Variants in CNTN1 observed in about 807,000 individuals in gnomAD.
CNTN1 encodes the protein contactin 1, also known as contactin-1.
In CNTN1, 38 loss-of-function variants were observed where a neutral mutation model predicts 126.4. The ratio of observed to expected loss-of-function variants is 0.30; its 90% CI spans 0.23 to 0.39. The LOEUF (loss-of-function observed/expected upper bound fraction) is 0.39, where lower values mean the gene tolerates loss of function less well. CNTN1 is among the 10% of genes least tolerant of loss of function. The probability of loss-of-function intolerance (pLI) is 1.00; values close to 1 mark genes in which losing one functional copy is unlikely to be tolerated. For missense variants in CNTN1, 1,009 were observed against 1,248.4 expected (o/e 0.81, Z 2.89); for synonymous variants, 413 against 422.6 (o/e 0.98, Z 0.28).
rs1051869143 is a variant in CNTN1 at position 40,933,623 on chromosome 12, T to C, written c.803+63T>C. On this transcript the variant is annotated intron_variant, in intron 8 of 23. Coordinates refer to ENST00000551295, the MANE Select transcript of CNTN1 (RefSeq NM_001843.4). ...TAGTACCATTTTAGGAAATAAATAA[T>C]TGTTTAGCTATAAACATAAAGTAAT... 8 of 1,523,740 alleles carry C rather than the reference T, an allele frequency of 5.3e-6. No individual in the cohort carries two copies. In the Admixed American group the frequency reaches 1.3e-4, roughly 26 times the overall value. The allele number at this position is 1,523,740 out of a possible 1,614,324, so 94.4% of individuals were successfully genotyped here. A position where few individuals can be genotyped will look rare whatever the true frequency, so the allele number is the denominator to read the frequency against.
At chr12:40,864,796 A>T (rs1223373846) in intron 1 of CNTN1, among the ~76,000 whole-genome samples, 7 of 152,168 alleles carry the variant, frequency 4.6e-5, no homozygotes, top group African/African-American at 1.4e-4. Flanking sequence ...TGCAGCAATG[A>T]CTATCTGTAA....
intron 23 of CNTN1, among the ~76,000 whole-genome samples, chr12:41,041,749 A>T (rs1949416343): frequency 6.6e-6 from 1 of 152,014 alleles, no homozygotes; most frequent in East Asian, 1.9e-4. Context: ...TTTCTGTGGG[A>T]TCAGTGGTGA....
chr12:40,704,717 C>G (rs1480140089), intron 1 of CNTN1, among the ~76,000 whole-genome samples: 1 of 152,080 alleles, frequency 6.6e-6, no homozygotes, highest in African/African-American at 2.4e-5. Context: ...GACTAAATCA[C>G]TAAGGAAAAG....
At chr12:40,941,122 C>A (rs947605468) in intron 12 of CNTN1, among the ~76,000 whole-genome samples, 4 of 152,180 alleles carry the variant, frequency 2.6e-5, no homozygotes, top group African/African-American at 9.6e-5. Context: ...AGAGAAAGAT[C>A]TAGCTCCTGA....
intron 17 of CNTN1, among the ~76,000 whole-genome samples, chr12:41,009,207 TG>T (rs752251230): frequency 2.8e-4 from 43 of 152,236 alleles, no homozygotes; most frequent in Non-Finnish European, 1.3e-4. Flanking sequence ...GAAAGGTGAC[TG>T]GGCTTAAGCA....
intron 16 of CNTN1, among the ~76,000 whole-genome samples, chr12:40,990,784 G>T (rs1055434926): frequency 6.6e-6 from 1 of 152,098 alleles, no homozygotes; most frequent in Non-Finnish European, 1.5e-5. Flanking sequence ...TCCTGGAAAA[G>T]CCCCAGTGTA....
chr12:41,009,639 T>C (rs765213064), intron 17 of CNTN1, among the ~76,000 whole-genome samples: 9 of 152,206 alleles, frequency 5.9e-5, no homozygotes, highest in Non-Finnish European at 1.3e-4. Context: ...TTTTATGTGC[T>C]CCTAACATTG....
chr12:40,971,146 G>A (rs1036157710), intron 15 of CNTN1, among the ~76,000 whole-genome samples: 1 of 152,150 alleles, frequency 6.6e-6, no homozygotes, highest in African/African-American at 2.4e-5. Flanking sequence ...GGATCCACGA[G>A]ATTTGTTTCA....
At chr12:41,032,285 G>A (rs1949160126) in intron 23 of CNTN1, among the ~76,000 whole-genome samples, 1 of 150,884 alleles carries the variant, frequency 6.6e-6, no homozygotes, top group African/African-American at 2.4e-5. Flanking sequence ...AGGGAATGGT[G>A]TGAACCCTGG....
intron 17 of CNTN1, among the ~76,000 whole-genome samples, chr12:41,012,581 G>A (rs141138637): frequency 7.4e-4 from 112 of 152,270 alleles, no homozygotes; most frequent in Non-Finnish European, 1.4e-3. Flanking sequence ...ACTCCTTCCA[G>A]CCCCACATGA....
chr12:40,831,035 C>T (rs538470610), intron 1 of CNTN1, among the ~76,000 whole-genome samples: 43 of 138,762 alleles, frequency 3.1e-4, no homozygotes, highest in Middle Eastern at 4.5e-3. Context: ...TATATATTTA[C>T]AGTATATATA....
At chr12:40,984,103 A>G (rs1055855454) in intron 16 of CNTN1, among the ~76,000 whole-genome samples, 3 of 150,124 alleles carry the variant, frequency 2.0e-5, no homozygotes, top group Non-Finnish European at 4.4e-5. Flanking sequence ...TTTTATACTC[A>G]GTGAAATATA....
intron 1 of CNTN1, among the ~76,000 whole-genome samples, chr12:40,852,660 A>C (rs1435193565): frequency 6.6e-6 from 1 of 152,114 alleles, no homozygotes; most frequent in East Asian, 1.9e-4. Context: ...TGTCATAGAA[A>C]TGAGGAAGAA....
intron 1 of CNTN1, among the ~76,000 whole-genome samples, chr12:40,773,640 T>TATATATATATATACAC (rs1565715414): frequency 2.4e-4 from 3 of 12,344 alleles, no homozygotes; most frequent in African/African-American, 7.0e-4. Flanking sequence ...ACTGTATATA[T>TATATATATATATACAC]ATATATATAT....
intron 6 of CNTN1, among the ~76,000 whole-genome samples, chr12:40,927,004 G>A (rs2136896828): frequency 6.6e-6 from 1 of 152,180 alleles, no homozygotes; most frequent in East Asian, 1.9e-4. Flanking sequence ...GGAAATCAAG[G>A]TGGCAGTTCT....
intron 17 of CNTN1, among the ~76,000 whole-genome samples, chr12:41,010,692 A>G (rs1293222594): frequency 6.6e-6 from 1 of 152,178 alleles, no homozygotes; most frequent in African/African-American, 2.4e-5. Flanking sequence ...ATGAGTGCCT[A>G]TCAGTCTTTC....
At chr12:40,810,422 T>C (rs1289062748) in intron 1 of CNTN1, among the ~76,000 whole-genome samples, 4 of 152,162 alleles carry the variant, frequency 2.6e-5, no homozygotes, top group African/African-American at 9.7e-5. Flanking sequence ...TCTAAGAGAA[T>C]TTCAAGTGTA....
In CNTN1 at chr12:40,736,213, T is replaced by C. The variant is rs998644802; in HGVS notation, c.-77+43621T>C. On this transcript the variant is annotated intron_variant, in intron 1 of 23. Transcript: ENST00000551295. ...TGAGCACTTGGAAGTGTAAAAGGTA[T>C]ATAAATTATAATGAAGATCTGGCAG... Among the ~76,000 whole-genome samples, 3 of 152,020 alleles carry C rather than the reference T, an allele frequency of 2.0e-5. No homozygotes were observed. In the South Asian group the frequency reaches 6.2e-4, roughly 31 times the overall value.
intron 1 of CNTN1, among the ~76,000 whole-genome samples, chr12:40,704,250 G>A (rs971482014): frequency 6.6e-6 from 1 of 152,050 alleles, no homozygotes; most frequent in Non-Finnish European, 1.5e-5. Context: ...TGAAAGGGCT[G>A]TAATTTCAAA....
Sources: allele counts gnomAD v4.1 joint callset (sites outside exome capture counted in the v4.1 genomes callset), GRCh38; gene constraint gnomAD v4.1.1; transcripts MANE v1.5; gene names NCBI Gene and HGNC (gene_info 2026-07-23, HGNC 2026-07-21).